Variants in SDK1 observed in about 807,000 individuals in gnomAD.
The protein encoded by SDK1 is sidekick cell adhesion molecule 1.
SDK1 carries 157 observed loss-of-function variants against 245.5 expected under a neutral mutation model. That is an observed-to-expected ratio of 0.64 (90% CI 0.56 to 0.73). SDK1 has a LOEUF of 0.73. Ranked by LOEUF, SDK1 falls within the 30% of genes least tolerant of loss-of-function variation. The probability of loss-of-function intolerance (pLI) is 0.00; values close to 1 mark genes in which losing one functional copy is unlikely to be tolerated. For missense variants in SDK1, 3,583 were observed against 3,002.3 expected, an observed-to-expected ratio of 1.19 and a Z score of -4.52; for synonymous variants, 1,647 against 1,278.5, an observed-to-expected ratio of 1.29 and a Z score of -6.15.
intron 1 of SDK1, among the ~76,000 whole-genome samples, chr7:3,305,805 C>T (rs950781329): frequency 3.4e-4 from 50 of 146,038 alleles, no homozygotes; most frequent in African/African-American, 1.3e-3. Flanking sequence ...ATGCAGTCTG[C>T]ATAGCCACCT....
intron 4 of SDK1, among the ~76,000 whole-genome samples, chr7:3,708,909 T>A (rs560030662): frequency 2.5e-4 from 38 of 152,388 alleles, no homozygotes; most frequent in African/African-American, 9.1e-4. Flanking sequence ...GTGTTAATAT[T>A]TAAGTGAAGC....
At chr7:4,160,746 G>A (rs957858194) in intron 31 of SDK1, among the ~76,000 whole-genome samples, 13 of 152,198 alleles carry the variant, frequency 8.5e-5, no homozygotes, top group Non-Finnish European at 1.5e-5. Flanking sequence ...AAGCTGGCTA[G>A]AGGGCCCACC....
intron 1 of SDK1, among the ~76,000 whole-genome samples, chr7:3,410,147 C>T (rs1779161324): frequency 6.6e-6 from 1 of 152,092 alleles, no homozygotes; most frequent in South Asian, 2.1e-4. Flanking sequence ...TTCAGTATCC[C>T]TTTGGAAAGA....
At chr7:3,941,975 C>G (rs1036023935) in intron 5 of SDK1, among the ~76,000 whole-genome samples, 1 of 143,486 alleles carries the variant, frequency 7.0e-6, no homozygotes, top group Admixed American at 7.4e-5. Flanking sequence ...GTGGCGTGAT[C>G]TTGGCTCACC....
In SDK1 at chr7:3,323,195, T is replaced by A. The variant is rs74435076; in HGVS notation, c.298+21311T>A. ...GACCGAGGGCCAGGCAAATTCCAACTCATTTGCTGAGTTTCAGTCTTCACC... is the reference window on the plus strand; with the variant it reads ...GACCGAGGGCCAGGCAAATTCCAACACATTTGCTGAGTTTCAGTCTTCACC... On this transcript the variant is annotated intron_variant, in intron 1 of 44. Transcript: ENST00000404826. Among the ~76,000 whole-genome samples the A allele has an allele frequency of 1.1e-3, 173 of 152,256 alleles. 4 individuals are homozygous for A. In the East Asian group the frequency reaches 0.03, roughly 27 times the overall value.
intron 22 of SDK1, among the ~76,000 whole-genome samples, chr7:4,105,881 C>G (rs998299110): frequency 6.6e-6 from 1 of 152,110 alleles, no homozygotes; most frequent in Non-Finnish European, 1.5e-5. Flanking sequence ...TTGGAGACTG[C>G]GTGATGCCTC....
intron 1 of SDK1, among the ~76,000 whole-genome samples, chr7:3,528,923 C>T (rs1274634028): frequency 6.6e-6 from 1 of 152,086 alleles, no homozygotes; most frequent in Non-Finnish European, 1.5e-5. Flanking sequence ...GTATTACCAG[C>T]TACAGGGGCT....
At chr7:3,659,555 T>C (rs1283910813) in intron 4 of SDK1, among the ~76,000 whole-genome samples, 1 of 152,152 alleles carries the variant, frequency 6.6e-6, no homozygotes, top group Non-Finnish European at 1.5e-5. Flanking sequence ...TGGTACATTC[T>C]CCGAGGAGAG....
At chr7:3,874,544 A>G (rs1219455605) in intron 5 of SDK1, among the ~76,000 whole-genome samples, 1 of 152,142 alleles carries the variant, frequency 6.6e-6, no homozygotes, top group Admixed American at 6.5e-5. Flanking sequence ...CCTACCTGTC[A>G]TGCTGGGCCT....
intron 1 of SDK1, among the ~76,000 whole-genome samples, chr7:3,303,061 C>T (rs1442593465): frequency 2.0e-5 from 3 of 152,052 alleles, no homozygotes; most frequent in African/African-American, 4.8e-5. Context: ...TTGTGCCCCT[C>T]CACCCCCCTC....
intron 1 of SDK1, among the ~76,000 whole-genome samples, chr7:3,353,295 A>G (rs1318642949): frequency 1.3e-5 from 2 of 152,184 alleles, no homozygotes; most frequent in Non-Finnish European, 2.9e-5. Flanking sequence ...TTTGATGAGT[A>G]TCTTTCATCT....
intron 1 of SDK1, among the ~76,000 whole-genome samples, chr7:3,459,274 A>G (rs1411008271): frequency 6.6e-6 from 1 of 152,110 alleles, no homozygotes; most frequent in Non-Finnish European, 1.5e-5. Context: ...ACTCCTCTTT[A>G]TGTAAGGTAT....
chr7:3,397,008 G>C (rs1450954677), intron 1 of SDK1, among the ~76,000 whole-genome samples: 1 of 151,348 alleles, frequency 6.6e-6, no homozygotes, highest in African/African-American at 2.4e-5. Flanking sequence ...GTTTCTTTTA[G>C]TATATATTTT....
At chr7:4,005,247 A>G (rs1223664373) in intron 14 of SDK1, among the ~76,000 whole-genome samples, 2 of 151,562 alleles carry the variant, frequency 1.3e-5, no homozygotes, top group Non-Finnish European at 2.9e-5. Flanking sequence ...GGGTTTTACC[A>G]TGTTGGCCAG....
chr7:4,222,537 T>G (rs1329724242), intron 40 of SDK1, among the ~76,000 whole-genome samples: 4 of 152,130 alleles, frequency 2.6e-5, no homozygotes, highest in African/African-American at 9.7e-5. Context: ...TCAAGTGATC[T>G]ACCCTCCTCG....
At chr7:3,728,986 G>A (rs775666934) in intron 4 of SDK1, among the ~76,000 whole-genome samples, 21 of 152,136 alleles carry the variant, frequency 1.4e-4, no homozygotes, top group Non-Finnish European at 2.6e-4. Context: ...AAGGCAACTC[G>A]AGGGAGAATA....
intron 1 of SDK1, among the ~76,000 whole-genome samples, chr7:3,457,866 C>G (rs927476568): frequency 1.3e-5 from 2 of 152,138 alleles, no homozygotes; most frequent in Admixed American, 1.3e-4. Context: ...TTGGAGCACA[C>G]CTTCTGGGAG....
chr7:3,662,923 C>T (rs75423919), intron 4 of SDK1, among the ~76,000 whole-genome samples: 5,776 of 152,174 alleles, frequency 0.038, 303 homozygotes, highest in African/African-American at 0.12. Flanking sequence ...ATCTGAAATA[C>T]GAAGCACTTA....
chr7:4,263,529 AGGCCGCGTAGACGCCTCCTGAGTG>A, intron 44 of SDK1, among the ~76,000 whole-genome samples: 1 of 85,568 alleles, frequency 1.2e-5, no homozygotes, highest in Non-Finnish European at 2.4e-5. Flanking sequence ...CTGAGTGGGG[AGGCCGCGTAGACGCCTCCTGAGTG>A]GGGAGGCCGC....
Sources: gnomAD v4.1 joint callset for allele counts (sites outside exome capture counted in the v4.1 genomes callset) on GRCh38, gnomAD v4.1.1 for gene constraint, MANE v1.5 for transcripts, NCBI Gene and HGNC (gene_info 2026-07-23, HGNC 2026-07-21) for gene names.